ENTREP2: variants seen among roughly 807,000 people sequenced by gnomAD.
The protein encoded by ENTREP2 is protein ENTREP2.
chr15:29,317,797 C>T, the ENTREP2 span, among the ~76,000 whole-genome samples: 1 of 152,080 alleles, frequency 6.6e-6, no homozygotes, highest in Non-Finnish European at 1.5e-5. Flanking sequence ...GCAGCAAGAT[C>T]CAGAGGCCTT....
At chr15:29,136,579 G>A in the ENTREP2 span, 4 of 1,478,756 alleles carry the variant, frequency 2.7e-6, no homozygotes, top group Non-Finnish European at 3.6e-6. Context: ...AGCCGCCAGA[G>A]CAGGGGCGGC....
the ENTREP2 span, among the ~76,000 whole-genome samples, chr15:29,395,134 C>T: frequency 2.0e-5 from 3 of 151,462 alleles, no homozygotes; most frequent in South Asian, 2.1e-4. Context: ...GTGATCCGCC[C>T]GCCTCGGCCT....
At chr15:29,289,258 A>G in the ENTREP2 span, among the ~76,000 whole-genome samples, 4 of 152,058 alleles carry the variant, frequency 2.6e-5, no homozygotes, top group Non-Finnish European at 5.9e-5. Context: ...ACAATGGAAC[A>G]TAAGGGCTTC....
At chr15:29,477,702 T>C in the ENTREP2 span, among the ~76,000 whole-genome samples, 4 of 151,886 alleles carry the variant, frequency 2.6e-5, no homozygotes, top group African/African-American at 7.3e-5. Flanking sequence ...CCGGGGAAAA[T>C]GGTCCAGGGA....
chr15:29,618,194 C>T, the ENTREP2 span, among the ~76,000 whole-genome samples: 10 of 152,132 alleles, frequency 6.6e-5, no homozygotes, highest in East Asian at 1.2e-3. Flanking sequence ...GAGGCCGAGT[C>T]GGGCAGATCA....
At chr15:29,337,885 A>G in the ENTREP2 span, among the ~76,000 whole-genome samples, 1 of 152,278 alleles carries the variant, frequency 6.6e-6, no homozygotes, top group South Asian at 2.1e-4. Flanking sequence ...AGGCATCCCA[A>G]AGCCTGAGCT....
chr15:29,404,169 G>A, the ENTREP2 span, among the ~76,000 whole-genome samples: 1 of 152,046 alleles, frequency 6.6e-6, no homozygotes, highest in Admixed American at 6.6e-5. Context: ...ATCCAGTGCC[G>A]CCCACTCCCG....
chr15:29,474,974 C>T, the ENTREP2 span, among the ~76,000 whole-genome samples: 1 of 152,098 alleles, frequency 6.6e-6, no homozygotes, highest in Non-Finnish European at 1.5e-5. Flanking sequence ...GAAGCACCTC[C>T]TTATATAAGG....
the ENTREP2 span, among the ~76,000 whole-genome samples, chr15:29,207,943 G>C: frequency 1.1e-4 from 16 of 152,106 alleles, no homozygotes; most frequent in Non-Finnish European, 1.9e-4. Flanking sequence ...TGGGAATGCA[G>C]CCATCAGTGG....
At chr15:29,493,093 A>G in the ENTREP2 span, among the ~76,000 whole-genome samples, 1 of 150,236 alleles carries the variant, frequency 6.7e-6, no homozygotes, top group African/African-American at 2.5e-5. Context: ...TAGTAATTCA[A>G]TAATAGTATT....
the ENTREP2 span, among the ~76,000 whole-genome samples, chr15:29,205,220 G>A: frequency 2.6e-4 from 40 of 152,272 alleles, no homozygotes; most frequent in African/African-American, 9.6e-4. Context: ...TAATTCATCT[G>A]TAGATGGACA....
chr15:29,200,962 T>A, the ENTREP2 span, among the ~76,000 whole-genome samples: 2 of 152,232 alleles, frequency 1.3e-5, no homozygotes, highest in Non-Finnish European at 2.9e-5. Flanking sequence ...TTTCAGTGTA[T>A]GTTTTGTTAG....
chr15:29,277,989 C>A, the ENTREP2 span, among the ~76,000 whole-genome samples: 17 of 152,064 alleles, frequency 1.1e-4, 1 homozygote, highest in South Asian at 3.5e-3. Context: ...ATATTCAAGG[C>A]AGACAAGAAA....
At chr15:29,438,094 C>A in the ENTREP2 span, among the ~76,000 whole-genome samples, 2 of 152,022 alleles carry the variant, frequency 1.3e-5, no homozygotes, top group Admixed American at 1.3e-4. Context: ...CCGCATCCTG[C>A]CTCCGGCCCT....
chr15:29,639,209 C>G, the ENTREP2 span, among the ~76,000 whole-genome samples: 3 of 152,200 alleles, frequency 2.0e-5, no homozygotes, highest in Non-Finnish European at 4.4e-5. Context: ...ATAGTCTGCA[C>G]TTCTTGTTCA....
At chr15:29,463,944 A>G in the ENTREP2 span, among the ~76,000 whole-genome samples, 1 of 152,196 alleles carries the variant, frequency 6.6e-6, no homozygotes, top group East Asian at 1.9e-4. Flanking sequence ...GCTGAGTGAA[A>G]TAAGCCAGCC....
chr15:29,191,378 GAT>G, the ENTREP2 span, among the ~76,000 whole-genome samples: 21 of 152,122 alleles, frequency 1.4e-4, no homozygotes, highest in East Asian at 4.1e-3. Flanking sequence ...ATCTGAAAAA[GAT>G]ATAAAATACA....
At chr15:29,178,612 C>A in the ENTREP2 span, among the ~76,000 whole-genome samples, 1 of 152,014 alleles carries the variant, frequency 6.6e-6, no homozygotes, top group African/African-American at 2.4e-5. Context: ...GGTCATCTTC[C>A]TTTGCTCACC....
chr15:29,486,840 G>A, the ENTREP2 span, among the ~76,000 whole-genome samples: 7 of 152,136 alleles, frequency 4.6e-5, no homozygotes, highest in Non-Finnish European at 1.0e-4. Flanking sequence ...AAAAAAATGA[G>A]CTCATGGATA....
Sources: allele counts gnomAD v4.1 joint callset (sites outside exome capture counted in the v4.1 genomes callset), GRCh38; gene constraint gnomAD v4.1.1; transcripts MANE v1.5; gene names NCBI Gene and HGNC (gene_info 2026-07-23, HGNC 2026-07-21).